TMEM135: variants seen among roughly 807,000 people sequenced by gnomAD.
The protein encoded by TMEM135 is peroxisomal membrane protein 52.
TMEM135 carries 30 observed loss-of-function variants against 60.3 expected under a neutral mutation model. The observed-to-expected ratio is 0.50, with a 90% CI of 0.37 to 0.68. The LOEUF is 0.68. TMEM135 is among the 30% of genes least tolerant of loss of function. The probability of loss-of-function intolerance (pLI) is 0.00; values close to 1 mark genes in which losing one functional copy is unlikely to be tolerated. For missense variants in TMEM135, 468 were observed against 548.8 expected, an observed-to-expected ratio of 0.85 and a Z score of 1.47; for synonymous variants, 190 against 186.7, an observed-to-expected ratio of 1.02 and a Z score of -0.14.
intron 5 of TMEM135, among the ~76,000 whole-genome samples, chr11:87,192,730 C>A (rs1049651251): frequency 3.9e-5 from 6 of 152,076 alleles, no homozygotes; most frequent in Admixed American, 6.5e-5. Flanking sequence ...TTTATAAAGG[C>A]TGGTACAAAT....
chr11:87,093,485 A>G (rs755452230), intron 4 of TMEM135, among the ~76,000 whole-genome samples: 15 of 152,192 alleles, frequency 9.9e-5, no homozygotes, highest in East Asian at 5.8e-4. Flanking sequence ...TGCTGTGATT[A>G]TAGGCAAGAG....
At chr11:87,040,643 CAA>C (rs1478077266) in intron 1 of TMEM135, among the ~76,000 whole-genome samples, 1 of 135,608 alleles carries the variant, frequency 7.4e-6, no homozygotes, top group African/African-American at 2.8e-5. Context: ...GCCTGGGAAA[CAA>C]GAGCAAAACT....
intron 4 of TMEM135, among the ~76,000 whole-genome samples, chr11:87,143,432 G>A (rs183124031): frequency 6.7e-6 from 1 of 149,782 alleles, no homozygotes; most frequent in Non-Finnish European, 1.5e-5. Flanking sequence ...TGTGTGTCTA[G>A]TTGTTTTTGA....
chr11:87,260,221 A>G (rs1941621585), intron 6 of TMEM135, among the ~76,000 whole-genome samples: 1 of 152,230 alleles, frequency 6.6e-6, no homozygotes, highest in Non-Finnish European at 1.5e-5. Flanking sequence ...ATCCAGTTCT[A>G]TTATTGGAAA....
chr11:87,076,495 T>C (rs1856876323), intron 3 of TMEM135, among the ~76,000 whole-genome samples: 2 of 152,360 alleles, frequency 1.3e-5, no homozygotes, highest in East Asian at 1.9e-4. Flanking sequence ...AGACCTGGAC[T>C]TGGGGACTCC....
rs754291996 is a variant in TMEM135, at chr11:87,327,838, G to A, written c.*6505G>A. ...GGATCTGGGGTCCTAATGTCCATGGGCAGTTGGAGAAGAGTGTATCCCTGC... is the reference window on the plus strand; with the variant it reads ...GGATCTGGGGTCCTAATGTCCATGGACAGTTGGAGAAGAGTGTATCCCTGC... On this transcript the variant is annotated 3_prime_UTR_variant, in exon 15 of 15. Transcript: ENST00000305494. 2.0e-5 allele frequency: 9 copies of A among 453,932 alleles called. No homozygotes were observed. Among genetic ancestry groups the A allele is most frequent in the Middle Eastern group, 6.8e-4 (1 of 1,466 alleles). The allele number at this position is 453,932 out of a possible 1,614,324, so 28.1% of individuals were successfully genotyped here. A position where few individuals can be genotyped will look rare whatever the true frequency, so the allele number is the denominator to read the frequency against.
In TMEM135 at chr11:87,323,634, A is replaced by G. The variant is rs1200179492; in HGVS notation, c.*2301A>G. On this transcript the variant is annotated 3_prime_UTR_variant, in exon 15 of 15. Coordinates refer to ENST00000305494, the MANE Select transcript of TMEM135 (RefSeq NM_022918.4). ...CCCTTAGTCTTTCTGACATTTTTAT[A>G]TAGATTGAGATTGAAAAACCGTGCA... The G allele has an allele frequency of 2.2e-6, 1 of 453,886 alleles. No homozygotes were observed. The allele number at this position is 453,886 out of a possible 1,614,324, so 28.1% of individuals were successfully genotyped here.
At chr11:87,301,441 G>A (rs888522653) in intron 7 of TMEM135, among the ~76,000 whole-genome samples, 2 of 152,004 alleles carry the variant, frequency 1.3e-5, no homozygotes, top group African/African-American at 4.8e-5. Context: ...TTTTGTTAAG[G>A]TGGGGTCTCA....
chr11:87,269,589 T>C (rs301600), intron 6 of TMEM135, among the ~76,000 whole-genome samples: 23,386 of 150,522 alleles, frequency 0.16, 2,323 homozygotes, highest in African/African-American at 0.28. Context: ...AGTGAGAACA[T>C]GTGGTGTTTG....
chr11:87,089,742 A>T (rs1228914908), intron 3 of TMEM135, among the ~76,000 whole-genome samples: 1 of 151,974 alleles, frequency 6.6e-6, no homozygotes, highest in African/African-American at 2.4e-5. Context: ...TGTTACCCTA[A>T]TTTTTCTCAG....
intron 4 of TMEM135, among the ~76,000 whole-genome samples, chr11:87,127,852 CTT>C (rs1224856919): frequency 6.8e-6 from 1 of 146,030 alleles, no homozygotes; most frequent in Non-Finnish European, 1.5e-5. Flanking sequence ...ATATTTGTAA[CTT>C]AATGTAAATA....
intron 5 of TMEM135, among the ~76,000 whole-genome samples, chr11:87,207,339 G>T (rs1033040755): frequency 6.6e-6 from 1 of 152,066 alleles, no homozygotes; most frequent in Non-Finnish European, 1.5e-5. Flanking sequence ...TGGAAGTTCC[G>T]CTGTGACTCT....
At chr11:87,067,654 A>G (rs1378872344) in intron 1 of TMEM135, 40 bp from the exon 2 acceptor site, 5 of 1,611,358 alleles carry the variant, frequency 3.1e-6, no homozygotes, top group Non-Finnish European at 4.2e-6. Context: ...TAAGTGGGAA[A>G]TGTTGGTTGG....
At chr11:87,314,400 A>G in intron 11 of TMEM135, 71 bp from the exon 12 acceptor site, 1 of 1,316,516 alleles carries the variant, frequency 7.6e-7, no homozygotes, top group Non-Finnish European at 1.1e-6. Flanking sequence ...AAGTGAATTA[A>G]CATTTCTGAT....
At chr11:87,159,611 A>ACACACACACACACG (rs1228938204) in intron 5 of TMEM135, among the ~76,000 whole-genome samples, 14 of 144,602 alleles carry the variant, frequency 9.7e-5, no homozygotes, top group African/African-American at 3.3e-4. Context: ...ACACACACAC[A>ACACACACACACACG]CACACACCAT....
chr11:87,264,448 A>G (rs1371287217), intron 6 of TMEM135, among the ~76,000 whole-genome samples: 1 of 151,840 alleles, frequency 6.6e-6, no homozygotes, highest in Non-Finnish European at 1.5e-5. Flanking sequence ...ATGGTATTTT[A>G]GATCCAAATT....
intron 9 of TMEM135, 82 bp from the exon 10 acceptor site, chr11:87,309,423 A>G (rs765145936): frequency 1.3e-5 from 19 of 1,443,864 alleles, no homozygotes; most frequent in Non-Finnish European, 1.6e-5. Flanking sequence ...TCTTGTTTCT[A>G]TTTTGAGATG....
intron 1 of TMEM135, among the ~76,000 whole-genome samples, chr11:87,060,111 T>TA (rs912203249): frequency 7.3e-5 from 11 of 150,760 alleles, no homozygotes; most frequent in East Asian, 5.8e-4. Context: ...TGACTCTGAA[T>TA]AAAAAAAAAG....
At chr11:87,238,281 T>C (rs761903492) in intron 6 of TMEM135, among the ~76,000 whole-genome samples, 7 of 152,144 alleles carry the variant, frequency 4.6e-5, no homozygotes, top group Non-Finnish European at 7.4e-5. Context: ...AAACATTTTA[T>C]AAAGCACAAT....
Sources: gnomAD v4.1 joint callset for allele counts (sites outside exome capture counted in the v4.1 genomes callset) on GRCh38, gnomAD v4.1.1 for gene constraint, MANE v1.5 for transcripts, NCBI Gene and HGNC (gene_info 2026-07-23, HGNC 2026-07-21) for gene names.